OTOGL: variants seen among roughly 807,000 people sequenced by gnomAD.
OTOGL encodes the protein otogelin-like protein.
Under a neutral mutation model 318.5 loss-of-function variants are expected in OTOGL, and 285 were observed. The ratio of observed to expected loss-of-function variants is 0.89; its 90% CI spans 0.81 to 0.99. The LOEUF (loss-of-function observed/expected upper bound fraction) is 0.99, where lower values mean the gene tolerates loss of function less well. OTOGL is among the 50% of genes least tolerant of loss of function. The pLI is 0.00. For missense variants in OTOGL, 2,899 were observed against 2,845.6 expected (o/e 1.02, Z -0.43); for synonymous variants, 987 against 936.5 (o/e 1.05, Z -0.99).
chr12:80,172,777 C>T (rs903634729), intron 1 of OTOGL, among the ~76,000 whole-genome samples: 4 of 152,014 alleles, frequency 2.6e-5, no homozygotes, highest in Admixed American at 6.6e-5. Context: ...TGGGTTCAAG[C>T]GATACTCCTG....
chr12:80,126,019 T>A, intron 1 of OTOGL, among the ~76,000 whole-genome samples: 1 of 152,076 alleles, frequency 6.6e-6, no homozygotes, highest in Middle Eastern at 3.2e-3. Context: ...TTTTGAAGGG[T>A]TTTTTGTGTC....
intron 7 of OTOGL, among the ~76,000 whole-genome samples, chr12:80,223,986 G>T (rs1213239917): frequency 6.6e-6 from 1 of 151,962 alleles, no homozygotes; most frequent in Non-Finnish European, 1.5e-5. Flanking sequence ...TTGGGTTCTT[G>T]GTCATGAATG....
chr12:80,354,765 T>C (rs1305400291), intron 46 of OTOGL, among the ~76,000 whole-genome samples: 1 of 152,186 alleles, frequency 6.6e-6, no homozygotes, highest in African/African-American at 2.4e-5. Flanking sequence ...TTTGGTTTGA[T>C]AGCAAATAGG....
At chr12:80,361,996 T>C (rs1274021166) in intron 52 of OTOGL, among the ~76,000 whole-genome samples, 6 of 152,168 alleles carry the variant, frequency 3.9e-5, no homozygotes, top group Admixed American at 3.9e-4. Flanking sequence ...ATACTCCCAT[T>C]TGTCCATTTT....
rs879772244 is a variant in OTOGL, at chr12:80,246,374, G to C, written c.1053-5319G>C. Reference sequence around the variant, plus strand: ...TTTATTGAGAGTTTTTAGCATGAAGGGTTGTTGAATTTTGTCAAAGGCTTT... The same window carrying C: ...TTTATTGAGAGTTTTTAGCATGAAGCGTTGTTGAATTTTGTCAAAGGCTTT... On this transcript the variant is annotated intron_variant, in intron 11 of 58. Coordinates refer to ENST00000547103, the MANE Select transcript of OTOGL (RefSeq NM_001378609.3). 1.2e-3 allele frequency among the ~76,000 whole-genome samples: 177 copies of C among 141,866 alleles called. 1 individual carries two copies. Among genetic ancestry groups the C allele is most frequent in the African/African-American group, 4.1e-3 (144 of 34,708 alleles). The allele number at this position is 141,866 out of a possible 152,430, so 93.1% of individuals were successfully genotyped here. A position where few individuals can be genotyped will look rare whatever the true frequency, so the allele number is the denominator to read the frequency against.
At chr12:80,263,821 T>C (rs1181899859) in intron 19 of OTOGL, among the ~76,000 whole-genome samples, 2 of 152,138 alleles carry the variant, frequency 1.3e-5, no homozygotes, top group Admixed American at 6.6e-5. Context: ...TTAGTTATCC[T>C]TAACTTAATG....
intron 23 of OTOGL, among the ~76,000 whole-genome samples, chr12:80,270,751 T>G (rs761738324): frequency 3.3e-5 from 5 of 152,130 alleles, no homozygotes; most frequent in African/African-American, 4.8e-5. Context: ...AATGTCATTT[T>G]AAATACCTTT....
intron 1 of OTOGL, among the ~76,000 whole-genome samples, chr12:80,168,940 C>T (rs572633712): frequency 6.6e-6 from 1 of 152,238 alleles, no homozygotes; most frequent in African/African-American, 2.4e-5. Context: ...CATTCCTTTT[C>T]TTTCTGCTAA....
intron 7 of OTOGL, among the ~76,000 whole-genome samples, chr12:80,222,683 T>A (rs1212279299): frequency 6.6e-6 from 1 of 152,200 alleles, no homozygotes; most frequent in African/African-American, 2.4e-5. Context: ...TCTAGTTGAA[T>A]AAGGATGTCA....
intron 1 of OTOGL, among the ~76,000 whole-genome samples, chr12:80,193,446 T>C (rs1238624856): frequency 6.6e-6 from 1 of 151,898 alleles, no homozygotes; most frequent in African/African-American, 2.4e-5. Flanking sequence ...AACCTGGGAG[T>C]TGGAGGTTGC....
intron 56 of OTOGL, 138 bp downstream of exon 56, chr12:80,370,827 C>A (rs1257711937): frequency 3.1e-6 from 2 of 640,042 alleles, no homozygotes; most frequent in Non-Finnish European, 2.3e-6. Context: ...AATAAAAGCT[C>A]TGTTCTATTT....
At chr12:80,178,978 G>A (rs1366984279) in intron 1 of OTOGL, among the ~76,000 whole-genome samples, 2 of 152,116 alleles carry the variant, frequency 1.3e-5, no homozygotes, top group Non-Finnish European at 2.9e-5. Flanking sequence ...TATTGAAACT[G>A]TTGTGGTTTA....
chr12:80,170,681 G>A (rs1874148338), intron 1 of OTOGL, among the ~76,000 whole-genome samples: 1 of 151,894 alleles, frequency 6.6e-6, no homozygotes, highest in Non-Finnish European at 1.5e-5. Context: ...TGATCTTCCC[G>A]CCTCGGCCTC....
chr12:80,232,842 A>G (rs1484114772), intron 8 of OTOGL, 50 bp from the exon 9 acceptor site: 4 of 1,433,780 alleles, frequency 2.8e-6, no homozygotes, highest in Non-Finnish European at 3.8e-6. Flanking sequence ...TGTCATCTGT[A>G]ATTGAGACTT....
At chr12:80,150,832 T>C (rs944338204) in intron 1 of OTOGL, among the ~76,000 whole-genome samples, 1 of 152,152 alleles carries the variant, frequency 6.6e-6, no homozygotes, top group Non-Finnish European at 1.5e-5. Context: ...AAGAAAGGCA[T>C]AGAAAACAAG....
rs1884017172 is a variant in OTOGL, at chr12:80,279,050, A to G, written c.2812A>G (p.Asn938Asp). The G allele has an allele frequency of 1.3e-6, 2 of 1,595,108 alleles. No homozygotes were observed. Among genetic ancestry groups the G allele is most frequent in the Non-Finnish European group, 1.7e-6 (2 of 1,176,882 alleles). Reference protein sequence around the residue: ...YTCVCRRGMFNCTYYPCPAVC... With the variant: ...YTCVCRRGMFDCTYYPCPAVC... ...TAGCGTTTGTCGACGAGGAATGTTC[A>G]ATTGCACATATTATCCATGCCCAGC... The change falls in exon 26 of 59, where the codon AAT becomes GAT. Residue 938 changes from asparagine to aspartate, a missense_variant. Coordinates refer to ENST00000547103, the MANE Select transcript of OTOGL (RefSeq NM_001378609.3).
chr12:80,211,914 C>CT, intron 3 of OTOGL, 35 bp from the exon 4 acceptor site: 2 of 1,528,180 alleles, frequency 1.3e-6, no homozygotes, highest in African/African-American at 1.4e-5. Context: ...GCCTAGGGGC[C>CT]TTTGACTGTA....
At chr12:80,229,481 T>TC in intron 8 of OTOGL, 103 bp downstream of exon 8, 2 of 1,374,270 alleles carry the variant, frequency 1.5e-6, no homozygotes, top group Non-Finnish European at 2.0e-6. Flanking sequence ...AAGAGAGGAT[T>TC]TCTTCAACAA....
intron 1 of OTOGL, among the ~76,000 whole-genome samples, chr12:80,190,717 G>A (rs1014670117): frequency 6.8e-5 from 10 of 147,080 alleles, no homozygotes; most frequent in Non-Finnish European, 1.2e-4. Flanking sequence ...AACCCAAGAG[G>A]CGGAGCTTGC....
Sources: gnomAD v4.1 joint callset for allele counts (sites outside exome capture counted in the v4.1 genomes callset) on GRCh38, gnomAD v4.1.1 for gene constraint, MANE v1.5 for transcripts, NCBI Gene and HGNC (gene_info 2026-07-23, HGNC 2026-07-21) for gene names.